Variants in RETSAT observed in about 807,000 individuals in gnomAD.
RETSAT encodes all-trans-retinol 13,14-reductase.
A neutral mutation model predicts 61.6 loss-of-function variants in RETSAT; 35 were observed. That is an observed-to-expected ratio of 0.57 (90% CI 0.43 to 0.75). The LOEUF is 0.75. Ranked by LOEUF, RETSAT falls within the 30% of genes least tolerant of loss-of-function variation. The pLI, the probability that RETSAT is intolerant of heterozygous loss-of-function variation, is 0.00. For synonymous variants in RETSAT, 277 were observed against 310.4 expected (o/e 0.89, Z 1.13); for missense variants, 670 against 759.5 (o/e 0.88, Z 1.38).
At chr2:85,343,426 C>T (rs1322241558) in intron 10 of RETSAT, 45 bp from the exon 11 acceptor site, 7 of 1,592,710 alleles carry the variant, frequency 4.4e-6, no homozygotes, top group Non-Finnish European at 6.0e-6. Context: ...CCCAGGCAGG[C>T]CCAGGGGAGG....
chr2:85,351,574 T>C (rs1328890851), intron 2 of RETSAT, 106 bp downstream of exon 2: 11 of 1,118,128 alleles, frequency 9.8e-6, no homozygotes, highest in African/African-American at 1.6e-5. Context: ...AGAGAGAAGA[T>C]GGCACTTCCA....
chr2:85,346,042 C>T lies in RETSAT; in HGVS notation c.1050G>A (p.Val350=), dbSNP rs1479778883. The change falls in exon 6 of 11, where the codon GTG becomes GTA. Residue 350 remains valine, a synonymous_variant. Coordinates refer to ENST00000295802, the MANE Select transcript of RETSAT (RefSeq NM_017750.4). ...TGTTGAACAGTCCTGCGTTGGAGAC[C>T]ACGATGGGGCAATAGATGTTCACCA... ...HELVNIYCPI[V]VSNAGLFNTY... 2.5e-6 allele frequency: 4 copies of T among 1,614,038 alleles called. No individual in the cohort carries two copies. Among genetic ancestry groups the T allele is most frequent in the Middle Eastern group, 1.6e-4 (1 of 6,082 alleles).
chr2:85,344,232 G>A lies in RETSAT; in HGVS notation c.1366+7C>T, dbSNP rs755288306. ...TCCACCCCCTCACCCGGGACGTGCA[G>A]CCCCACCTGGGAATCGGTCCTCCCA... On this transcript the variant is annotated splice_region_variant and intron_variant, in intron 8 of 10. Coordinates refer to ENST00000295802, the MANE Select transcript of RETSAT (RefSeq NM_017750.4). 31 of 1,613,998 alleles carry A rather than the reference G, an allele frequency of 1.9e-5. No homozygotes were observed. The Admixed American group carries it at 5.2e-4, about 27-fold the overall frequency.
chr2:85,350,240 A>AC lies in RETSAT; in HGVS notation c.598dup (p.Val200GlyfsTer45). 6.2e-7 allele frequency: 1 copy of AC among 1,613,170 alleles called. No individual in the cohort carries two copies. The highest frequency in any genetic ancestry group is 8.5e-7 in the Non-Finnish European group (1 of 1,179,344). ...GGCATGAGGGGCTCCACTGGATACCACCTGGGGGAGTGAATGAGGACAGCA... is the reference window on the plus strand; with the variant it reads ...GGCATGAGGGGCTCCACTGGATACCACCCTGGGGGAGTGAATGAGGACAGCA... On this transcript the variant is annotated frameshift_variant and splice_region_variant, in exon 4 of 11. Transcript: ENST00000295802. LOFTEE classifies it high-confidence loss of function.
chr2:85,349,652 T>C, intron 4 of RETSAT, 71 bp from the exon 5 acceptor site: 6 of 1,312,990 alleles, frequency 4.6e-6, no homozygotes, highest in Non-Finnish European at 6.6e-6. Flanking sequence ...GAACGTGGAA[T>C]TCTGTGAGAT....
chr2:85,345,768 G>A (rs1162300591), intron 6 of RETSAT: 1 of 715,180 alleles, frequency 1.4e-6, no homozygotes, highest in Non-Finnish European at 2.5e-6. Flanking sequence ...CCTCAGGACT[G>A]TAATTAATCT....
chr2:85,346,734 A>G (rs770307758), intron 5 of RETSAT, among the ~76,000 whole-genome samples: 2 of 152,252 alleles, frequency 1.3e-5, no homozygotes, highest in African/African-American at 4.8e-5. Flanking sequence ...AGCCTGGGCA[A>G]AAGAGTGAGA....
At position 85,349,806 on chromosome 2, in the gene RETSAT, G is replaced by T. The variant is rs1053448085; in HGVS notation, c.800-225C>A. On this transcript the variant is annotated intron_variant, in intron 4 of 10. Transcript: ENST00000295802. Reference sequence around the variant, plus strand: ...CCCCTGCAAACTGCCATGCTGCCAAGACCAAGGAGGATAGTGTTGCTTGAA... The same window carrying T: ...CCCCTGCAAACTGCCATGCTGCCAATACCAAGGAGGATAGTGTTGCTTGAA... 1.3e-5 allele frequency: 8 copies of T among 627,900 alleles called. No individual in the cohort carries two copies. In the Admixed American group the frequency reaches 2.3e-4, roughly 18 times the overall value. The allele number at this position is 627,900 out of a possible 1,614,324, so 38.9% of individuals were successfully genotyped here.
chr2:85,349,672 C>A (rs955235557), intron 4 of RETSAT, 91 bp from the exon 5 acceptor site: 1 of 1,097,228 alleles, frequency 9.1e-7, no homozygotes, highest in African/African-American at 1.5e-5. Context: ...TAACACACAG[C>A]CCAGTCTATC....
At chr2:85,343,896 C>T in intron 9 of RETSAT, 98 bp from the exon 10 acceptor site, 1 of 1,586,484 alleles carries the variant, frequency 6.3e-7, no homozygotes, top group Non-Finnish European at 8.6e-7. Flanking sequence ...GTGCCCTGTC[C>T]TTCCCTGGGG....
At position 85,350,125 on chromosome 2, in the gene RETSAT, G is replaced by A; in HGVS notation, c.714C>T (p.Ser238=). The A allele has an allele frequency of 6.2e-7, 1 of 1,614,020 alleles. No individual in the cohort carries two copies. Among genetic ancestry groups the A allele is most frequent in the Non-Finnish European group, 8.5e-7 (1 of 1,180,026 alleles). The stretch of plus-strand genomic sequence containing the variant: ...GCAGGACCTCAGCCAGGCTCTGGGT[G>A]GATGCTTGAAGGAATGGAGAGAAAC... ...LTRFSPFLQA[S]TQSLAEVLQQ... The change falls in exon 4 of 11, where the codon TCC becomes TCT. Residue 238 remains serine (S), a synonymous_variant. Transcript: ENST00000295802.
In RETSAT at chr2:85,349,575, G is replaced by C; in HGVS notation, c.806C>G (p.Thr269Ser). Residue 269 changes from threonine (T) to serine (S), a missense_variant, in exon 5 of 11, where the codon ACC becomes AGC. Physicochemically the swap from Thr to Ser is moderately conservative, Grantham distance 58. Transcript: ENST00000295802. The part of the protein sequence containing the change: ...LSYIFPTYGV[T>S]PNHSAFSMHA... ...CATGGAAAAGGCACTGTGGTTGGGG[G>C]TGACACCTGCAGAAGCAAGGAAGGG... 1.2e-6 allele frequency: 2 copies of C among 1,614,104 alleles called. No homozygotes were observed. Among genetic ancestry groups the C allele is most frequent in the South Asian group, 1.1e-5 (1 of 91,084 alleles).
rs1334867463 is a variant in RETSAT at position 85,349,057 on chromosome 2, G to GT, written c.997+326dup. Among the ~76,000 whole-genome samples, 811 of 133,022 alleles carry GT rather than the reference G, an allele frequency of 6.1e-3. 6 individuals are homozygous for GT. Among genetic ancestry groups the GT allele is most frequent in the African/African-American group, 0.016 (543 of 33,080 alleles). 87.3% of individuals were successfully genotyped at this position (133,022 alleles called of 152,430 possible). A position where few individuals can be genotyped will look rare whatever the true frequency, so the allele number is the denominator to read the frequency against. On this transcript the variant is annotated intron_variant, in intron 5 of 10. Transcript: ENST00000295802. ...AGCCACCATGCCCGGCCATATTTTTGTTTTTTTTTTTTTAAAGAGACAGGG... is the reference window on the plus strand; with the variant it reads ...AGCCACCATGCCCGGCCATATTTTTGTTTTTTTTTTTTTTAAAGAGACAGGG...
rs748224503 is a variant in RETSAT at position 85,343,376 on chromosome 2, C to G, written c.1699G>C (p.Asp567His). The change falls in exon 11 of 11, where the codon GAT (aspartate) becomes CAT (histidine). Residue 567 changes from aspartate to histidine, a missense_variant. By Grantham distance (81) the Asp-to-His change is moderately conservative. Coordinates refer to ENST00000295802, the MANE Select transcript of RETSAT (RefSeq NM_017750.4). Reference protein sequence around the residue: ...PIPNLYLTGQDIFTCGLVGAL... With the variant: ...PIPNLYLTGQHIFTCGLVGAL... ...CCGACCAGTCCACAGGTGAAGATAT[C>G]CTGGCCTAGGAGGCAAGAGCAGAGG... The G allele has an allele frequency of 1.9e-6, 3 of 1,612,534 alleles. No individual in the cohort carries two copies. Among genetic ancestry groups the G allele is most frequent in the Non-Finnish European group, 1.7e-6 (2 of 1,179,082 alleles).
chr2:85,348,760 T>C (rs1380208134), intron 5 of RETSAT, among the ~76,000 whole-genome samples: 1 of 149,502 alleles, frequency 6.7e-6, no homozygotes, highest in Non-Finnish European at 1.5e-5. Flanking sequence ...TTTTCCTTTC[T>C]TTTTTTTTGA....
intron 5 of RETSAT, among the ~76,000 whole-genome samples, chr2:85,348,336 C>T (rs1270143258): frequency 1.3e-5 from 2 of 152,116 alleles, no homozygotes; most frequent in Admixed American, 6.6e-5. Context: ...TCTCTACACT[C>T]AAGAAGATAG....
In RETSAT at chr2:85,350,983, C is replaced by T; in HGVS notation, c.394G>A (p.Gly132Ser). ...GTGATCTGGTCCAAGATAAAACGGC[C>T]AATGCTGCCCTCTTCCATACGCCCA... ...YIGRMEEGSIGRFILDQITEG... is the reference protein window; with the variant it reads ...YIGRMEEGSISRFILDQITEG... Residue 132 changes from glycine to serine, a missense_variant, in exon 3 of 11, where the codon GGC becomes AGC. Gly to Ser is a moderately conservative substitution (Grantham distance 56). Coordinates refer to ENST00000295802, the MANE Select transcript of RETSAT (RefSeq NM_017750.4). The T allele has an allele frequency of 6.2e-7, 1 of 1,614,154 alleles. No homozygotes were observed. Among genetic ancestry groups the T allele is most frequent in the African/African-American group, 1.3e-5 (1 of 75,030 alleles).
intron 1 of RETSAT, among the ~76,000 whole-genome samples, chr2:85,353,226 T>C (rs972293237): frequency 2.0e-5 from 3 of 152,126 alleles, no homozygotes; most frequent in Non-Finnish European, 4.4e-5. Flanking sequence ...GAGGCCGAGG[T>C]GGGCGGATCG....
At position 85,346,745 on chromosome 2, in the gene RETSAT, C is replaced by T. The variant is rs918192795; in HGVS notation, c.998-651G>A. ...CTCTAGCCTGGGCAAAAGAGTGAGA[C>T]CGTGTATCTAAAAAAAATGAATGAA... On this transcript the variant is annotated intron_variant, in intron 5 of 10. Coordinates refer to ENST00000295802, the MANE Select transcript of RETSAT (RefSeq NM_017750.4). Among the ~76,000 whole-genome samples, 11 of 152,094 alleles carry T rather than the reference C, an allele frequency of 7.2e-5. No individual in the cohort carries two copies. The East Asian group carries it at 2.1e-3, about 29-fold the overall frequency.
Sources: allele counts gnomAD v4.1 joint callset (sites outside exome capture counted in the v4.1 genomes callset), GRCh38; gene constraint gnomAD v4.1.1; transcripts MANE v1.5; gene names NCBI Gene and HGNC (gene_info 2026-07-23, HGNC 2026-07-21).